The following PCDHA7 variants were observed in gnomAD, a reference collection of about 807,000 sequenced individuals.
PCDHA7 encodes protocadherin alpha-7.
A neutral mutation model predicts 57.2 loss-of-function variants in PCDHA7; 37 were observed. The observed-to-expected ratio is 0.65, with a 90% CI of 0.50 to 0.85. PCDHA7 has a LOEUF of 0.85. Among genes scored for constraint, PCDHA7 ranks in the 40% least tolerant of loss-of-function variants. The probability of loss-of-function intolerance (pLI) is 0.00; values close to 1 mark genes in which losing one functional copy is unlikely to be tolerated. For synonymous variants in PCDHA7, 553 were observed against 558.8 expected, an observed-to-expected ratio of 0.99 and a Z score of 0.15; for missense variants, 1,188 against 1,241.8, an observed-to-expected ratio of 0.96 and a Z score of 0.65.
chr5:140,862,359 C>T (rs1364549064), intron 1 of PCDHA7: 3 of 337,738 alleles, frequency 8.9e-6, no homozygotes, highest in African/African-American at 4.3e-5. Flanking sequence ...AAGGGACAGA[C>T]GACCCGCACC....
In PCDHA7 at chr5:140,883,728, A is replaced by G. The variant is rs781971725; in HGVS notation, c.2355+46990A>G. 2 of 1,613,392 alleles carry G rather than the reference A, an allele frequency of 1.2e-6. No homozygotes were observed. The highest frequency in any genetic ancestry group is 2.7e-5 in the African/African-American group (2 of 74,914). On this transcript the variant is annotated intron_variant, in intron 1 of 3. Transcript: ENST00000525929. ...GCTCAGGACGCGGACGCACAGGAGA[A>G]CGCGCTGGTCTCCTACTCGCTGGTG...
At chr5:140,850,730 G>T (rs1439103901) in intron 1 of PCDHA7, 3 of 1,597,976 alleles carry the variant, frequency 1.9e-6, no homozygotes, top group Non-Finnish European at 2.6e-6. Flanking sequence ...CTAGCGCGGT[G>T]GGGAGTTGGT....
intron 1 of PCDHA7, among the ~76,000 whole-genome samples, chr5:140,899,663 C>T (rs1583349850): frequency 1.3e-5 from 2 of 152,176 alleles, no homozygotes; most frequent in African/African-American, 4.8e-5. Flanking sequence ...TGTCTCTGCC[C>T]GGCTTTGGTA....
intron 1 of PCDHA7, among the ~76,000 whole-genome samples, chr5:140,938,121 A>C (rs981387543): frequency 6.6e-6 from 1 of 151,892 alleles, no homozygotes; most frequent in South Asian, 2.1e-4. Flanking sequence ...CTCTTTTTTT[A>C]AAAAAATAGA....
intron 1 of PCDHA7, chr5:140,927,566 A>G: frequency 6.2e-7 from 1 of 1,614,168 alleles, no homozygotes; most frequent in Non-Finnish European, 8.5e-7. Flanking sequence ...ATTGTGGTGG[A>G]CACAAATGAC....
chr5:140,984,492 T>C (rs2097106044), intron 3 of PCDHA7, among the ~76,000 whole-genome samples: 1 of 152,224 alleles, frequency 6.6e-6, no homozygotes, highest in Non-Finnish European at 1.5e-5. Context: ...TATCCAGAAC[T>C]GTGCCTGGCT....
chr5:140,857,995 G>A, intron 1 of PCDHA7: 1 of 1,597,106 alleles, frequency 6.3e-7, no homozygotes, highest in East Asian at 2.2e-5. Context: ...TACTGGTGCT[G>A]GTGAAGGACC....
intron 1 of PCDHA7, chr5:140,860,525 C>T (rs1269714360): frequency 1.3e-5 from 2 of 152,112 alleles, no homozygotes; most frequent in Non-Finnish European, 2.9e-5. Context: ...TCATGGAATT[C>T]TGATTTGTAA....
At chr5:140,862,919 T>C (rs782169280) in intron 1 of PCDHA7, 73 of 546,740 alleles carry the variant, frequency 1.3e-4, no homozygotes, top group Non-Finnish European at 2.4e-4. Flanking sequence ...GCGCCTTGGG[T>C]GGGCTGGCGG....
chr5:140,925,585 A>T (rs1450626568), intron 1 of PCDHA7, among the ~76,000 whole-genome samples: 1 of 151,748 alleles, frequency 6.6e-6, no homozygotes, highest in Non-Finnish European at 1.5e-5. Flanking sequence ...AACATGGCGC[A>T]TGTATACATA....
At chr5:140,869,546 C>T (rs201504685) in intron 1 of PCDHA7, 3 of 1,614,170 alleles carry the variant, frequency 1.9e-6, no homozygotes, top group Middle Eastern at 1.6e-4. Flanking sequence ...TCTAAGCAAT[C>T]GGACTCGCGT....
rs1554262625 is a variant in PCDHA7, at chr5:141,009,974, T to A, written c.*37T>A. 3 of 1,585,642 alleles carry A rather than the reference T, an allele frequency of 1.9e-6. No homozygotes were observed. The highest frequency in any genetic ancestry group is 2.6e-6 in the Non-Finnish European group (3 of 1,169,212). ...GGAAACAAGCCACTTAGCCAGTTTT[T>A]GTAATAATGGCAAATCTCTCCCATG... On this transcript the variant is annotated 3_prime_UTR_variant, in exon 4 of 4. Transcript: ENST00000525929.
intron 1 of PCDHA7, among the ~76,000 whole-genome samples, chr5:140,873,350 A>G (rs251374): frequency 0.7 from 106,869 of 152,104 alleles, 38,096 homozygotes; most frequent in African/African-American, 0.82. Context: ...TCCAGATGAA[A>G]TTTTTGGAAT....
At position 140,842,838 on chromosome 5, in the gene PCDHA7, G is replaced by A. The variant is rs1265674507; in HGVS notation, c.2355+6100G>A. 6.3e-7 allele frequency: 1 copy of A among 1,593,906 alleles called. No homozygotes were observed. Among genetic ancestry groups the A allele is most frequent in the South Asian group, 1.1e-5 (1 of 90,422 alleles). ...CGGGTGGGCGAGCGCTCGCTGTCGAGCTACATTTCGGTGCACACGGAGAGC... is the reference window on the plus strand; with the variant it reads ...CGGGTGGGCGAGCGCTCGCTGTCGAACTACATTTCGGTGCACACGGAGAGC... On this transcript the variant is annotated intron_variant, in intron 1 of 3. Transcript: ENST00000525929.
intron 1 of PCDHA7, among the ~76,000 whole-genome samples, chr5:140,889,692 T>C (rs1237047126): frequency 1.3e-5 from 2 of 152,202 alleles, no homozygotes; most frequent in Non-Finnish European, 1.5e-5. Context: ...TTTAGTATTA[T>C]GGGCATATTC....
At chr5:140,921,060 A>T (rs543644748) in intron 1 of PCDHA7, among the ~76,000 whole-genome samples, 11 of 152,040 alleles carry the variant, frequency 7.2e-5, no homozygotes, top group African/African-American at 2.7e-4. Flanking sequence ...GCTCACTCTA[A>T]CCTTGAACTC....
intron 1 of PCDHA7, among the ~76,000 whole-genome samples, chr5:140,964,252 T>C (rs569615423): frequency 4.6e-5 from 7 of 152,332 alleles, no homozygotes; most frequent in African/African-American, 1.7e-4. Context: ...GGCTTTATAT[T>C]TGACTCCTTA....
At chr5:140,842,322 G>C (rs1349163820) in intron 1 of PCDHA7, 7 of 1,607,496 alleles carry the variant, frequency 4.4e-6, no homozygotes, top group Admixed American at 3.3e-5. Flanking sequence ...GCGGGTCATT[G>C]CACCGTTTTA....
At chr5:140,848,673 G>A (rs2150416689) in intron 1 of PCDHA7, 2 of 1,592,332 alleles carry the variant, frequency 1.3e-6, no homozygotes, top group Non-Finnish European at 1.7e-6. Context: ...GGCGGAGCTG[G>A]TGCCGCGCCT....
Sources: gnomAD v4.1 joint callset for allele counts (sites outside exome capture counted in the v4.1 genomes callset) on GRCh38, gnomAD v4.1.1 for gene constraint, MANE v1.5 for transcripts, NCBI Gene and HGNC (gene_info 2026-07-23, HGNC 2026-07-21) for gene names.